MAP3K5: variants seen among roughly 807,000 people sequenced by gnomAD.
The protein encoded by MAP3K5 is mitogen-activated protein kinase kinase kinase 5, also known as ASK-1.
Under a neutral mutation model 158.7 loss-of-function variants are expected in MAP3K5, and 56 were observed. The observed-to-expected ratio is 0.35, with a 90% CI of 0.28 to 0.44. The LOEUF is 0.44. Among genes scored for constraint, MAP3K5 ranks in the 20% least tolerant of loss-of-function variants. The pLI is 1.00. For missense variants in MAP3K5, 1,294 were observed against 1,674.8 expected (o/e 0.77, Z 3.97); for synonymous variants, 579 against 601.7 (o/e 0.96, Z 0.55).
chr6:136,694,075 T>C, intron 7 of MAP3K5, 65 bp downstream of exon 7: 1 of 1,285,222 alleles, frequency 7.8e-7, no homozygotes, highest in Admixed American at 2.1e-5. Flanking sequence ...CACTCTCATT[T>C]GCAAATACTT....
intron 4 of MAP3K5, 27 bp from the exon 5 acceptor site, chr6:136,697,414 A>C (rs1390986707): frequency 1.3e-6 from 2 of 1,552,864 alleles, no homozygotes; most frequent in Admixed American, 3.8e-5. Context: ...CATTTCAAAG[A>C]GTTTGACATT....
At chr6:136,680,460 C>T (rs991454370) in intron 7 of MAP3K5, among the ~76,000 whole-genome samples, 4 of 152,226 alleles carry the variant, frequency 2.6e-5, no homozygotes, top group South Asian at 4.1e-4. Context: ...TTTTTTGTTA[C>T]CATAAAGTTC....
rs975901668 is a variant in MAP3K5, at chr6:136,561,580, T to C, written c.3940A>G (p.Thr1314Ala). 6.2e-7 allele frequency: 1 copy of C among 1,613,946 alleles called. No homozygotes were observed. The highest frequency in any genetic ancestry group is 8.5e-7 in the Non-Finnish European group (1 of 1,179,904). Residue 1314 changes from threonine to alanine, a missense_variant, in exon 28 of 30, where the codon ACC (threonine) becomes GCC (alanine). Coordinates refer to ENST00000359015, the MANE Select transcript of MAP3K5 (RefSeq NM_005923.4). ...GCTCCATTCACTCTCAGCCAGTCGG[T>C]AAGTTCAGAATCTTCAGTATTTGTG... The part of the protein sequence containing the change: ...SGTNTEDSEL[T>A]DWLRVNGADE...
intron 1 of MAP3K5, among the ~76,000 whole-genome samples, chr6:136,728,241 T>C (rs1782059372): frequency 6.6e-6 from 1 of 152,162 alleles, no homozygotes; most frequent in African/African-American, 2.4e-5. Context: ...TTTCCCTTCA[T>C]AATAAGGTAT....
At position 136,792,086 on chromosome 6, in the gene MAP3K5, G is replaced by A. The variant is rs761642832; in HGVS notation, c.72C>T (p.Ile24=). 1.5e-5 allele frequency: 24 copies of A among 1,579,652 alleles called. No individual in the cohort carries two copies. In the South Asian group the frequency reaches 2.3e-4, roughly 15 times the overall value. ...PPFAPSGFCT[I]PEGGICRRGG... ...CCCTCCTGCAGATGCCGCCCTCGGG[G>A]ATGGTGCAGAAGCCCGAGGGGGCGA... The change falls in exon 1 of 30, where the codon ATC becomes ATT. Residue 24 remains isoleucine, a synonymous_variant. Coordinates refer to ENST00000359015, the MANE Select transcript of MAP3K5 (RefSeq NM_005923.4). This position sits in a 1 kb window ranked among gnomAD's most constrained non-coding sequence, Gnocchi z 5.7.
chr6:136,580,809 A>C lies in MAP3K5; in HGVS notation c.3412-403T>G, dbSNP rs112475145. ...TTATTTTCAATTACTTCTTCTTATT[A>C]TTATTATTATTTCATTTGTTTTGGA... On this transcript the variant is annotated intron_variant, in intron 24 of 29. Transcript: ENST00000359015. Among the ~76,000 whole-genome samples, 552 of 152,066 alleles carry C rather than the reference A, an allele frequency of 3.6e-3. 4 individuals carry two copies. Among genetic ancestry groups the C allele is most frequent in the African/African-American group, 8.6e-3 (355 of 41,470 alleles).
At chr6:136,675,929 C>T (rs1214467632) in intron 7 of MAP3K5, among the ~76,000 whole-genome samples, 3 of 151,882 alleles carry the variant, frequency 2.0e-5, no homozygotes, top group Non-Finnish European at 4.4e-5. Flanking sequence ...GACGGTCATC[C>T]GTACAGATGA....
chr6:136,793,005 A>C (rs143817246), upstream of MAP3K5, among the ~76,000 whole-genome samples: 113 of 152,282 alleles, frequency 7.4e-4, no homozygotes, highest in African/African-American at 2.6e-3. Context: ...ATAGGGTCCC[A>C]GTCTTCACCC....
At chr6:136,769,535 A>G (rs1480691780) in intron 1 of MAP3K5, among the ~76,000 whole-genome samples, 1 of 151,706 alleles carries the variant, frequency 6.6e-6, no homozygotes, top group African/African-American at 2.4e-5. Context: ...TTTAAAATAA[A>G]TTTAAAAATA....
At chr6:136,583,897 A>G (rs1775000355) in intron 23 of MAP3K5, among the ~76,000 whole-genome samples, 157 bp from the exon 24 acceptor site, 1 of 152,062 alleles carries the variant, frequency 6.6e-6, no homozygotes, top group Non-Finnish European at 1.5e-5. Flanking sequence ...TCCTGGGCTC[A>G]AGCGAGCCTC....
At chr6:136,604,549 C>T (rs1776021976) in intron 19 of MAP3K5, among the ~76,000 whole-genome samples, 1 of 151,994 alleles carries the variant, frequency 6.6e-6, no homozygotes, top group South Asian at 2.1e-4. Context: ...CGGAGGACTG[C>T]AGGGATTCAA....
chr6:136,718,839 T>TA (rs1178077117), intron 2 of MAP3K5, among the ~76,000 whole-genome samples: 2 of 152,026 alleles, frequency 1.3e-5, no homozygotes, highest in African/African-American at 4.8e-5. Flanking sequence ...ATGTAGAAAG[T>TA]AAAAAATCTC....
intron 10 of MAP3K5, among the ~76,000 whole-genome samples, chr6:136,652,496 C>A (rs1778563371): frequency 2.0e-5 from 3 of 152,110 alleles, no homozygotes; most frequent in Non-Finnish European, 4.4e-5. Context: ...TAATGAAAAT[C>A]ATTTTCCCAT....
chr6:136,750,052 C>G (rs1187722240), intron 1 of MAP3K5, among the ~76,000 whole-genome samples: 1 of 152,132 alleles, frequency 6.6e-6, no homozygotes, highest in East Asian at 1.9e-4. Flanking sequence ...ATCCTCTCTC[C>G]ACACCCCATT....
intron 14 of MAP3K5, among the ~76,000 whole-genome samples, chr6:136,625,217 A>G (rs1158294429): frequency 6.6e-6 from 1 of 152,178 alleles, no homozygotes; most frequent in Non-Finnish European, 1.5e-5. Flanking sequence ...CAACTACTCA[A>G]TTCTGCCATT....
intron 1 of MAP3K5, among the ~76,000 whole-genome samples, chr6:136,739,938 A>C (rs1582619502): frequency 6.6e-6 from 1 of 152,180 alleles, no homozygotes; most frequent in Admixed American, 6.5e-5. Context: ...CAGTGGCAGC[A>C]GGGGCCTGTA....
At chr6:136,785,276 G>C (rs17065624) in intron 1 of MAP3K5, among the ~76,000 whole-genome samples, 3,557 of 152,356 alleles carry the variant, frequency 0.023, 47 homozygotes, top group Middle Eastern at 0.037. Context: ...TCTCCAGCAA[G>C]ATGGCATATT....
chr6:136,640,929 G>T (rs76369366), intron 12 of MAP3K5, among the ~76,000 whole-genome samples: 1 of 152,194 alleles, frequency 6.6e-6, no homozygotes, highest in East Asian at 1.9e-4. Context: ...GCCAGCAATA[G>T]TAAGATAGAT....
intron 1 of MAP3K5, among the ~76,000 whole-genome samples, chr6:136,744,926 A>T (rs910270879): frequency 6.6e-6 from 1 of 152,200 alleles, no homozygotes; most frequent in African/African-American, 2.4e-5. Flanking sequence ...ACACTCATCC[A>T]TCAACCATGC....
Sources: allele counts gnomAD v4.1 joint callset (sites outside exome capture counted in the v4.1 genomes callset), GRCh38; gene constraint gnomAD v4.1.1; non-coding constraint Gnocchi (gnomAD v3.1); transcripts MANE v1.5; gene names NCBI Gene and HGNC (gene_info 2026-07-23, HGNC 2026-07-21).